BMERB1: variants seen among roughly 807,000 people sequenced by gnomAD.
BMERB1 encodes bMERB domain-containing protein 1.
BMERB1 carries 12 observed loss-of-function variants against 23.6 expected under a neutral mutation model. That is an observed-to-expected ratio of 0.51 (90% CI 0.33 to 0.82). The LOEUF is 0.82. Among genes scored for constraint, BMERB1 ranks in the 40% least tolerant of loss-of-function variants. BMERB1 has a pLI of 0.03. For synonymous variants in BMERB1, 122 were observed against 96.6 expected (o/e 1.26, Z -1.54); for missense variants, 247 against 255.4 (o/e 0.97, Z 0.22).
intron 1 of BMERB1, among the ~76,000 whole-genome samples, chr16:15,509,125 C>T (rs144620313): frequency 7.9e-5 from 12 of 152,128 alleles, no homozygotes; most frequent in South Asian, 2.1e-4. Context: ...TAATTCTCTT[C>T]GTCCCACGCC....
At chr16:15,434,831 G>A in intron 1 of BMERB1, 72 bp downstream of exon 1, 2 of 1,351,988 alleles carry the variant, frequency 1.5e-6, no homozygotes, top group Non-Finnish European at 2.0e-6. Flanking sequence ...GTGGTCGCGG[G>A]AGCGCGAGGA....
intron 5 of BMERB1, among the ~76,000 whole-genome samples, chr16:15,583,778 G>A (rs1302025590): frequency 2.0e-5 from 3 of 152,260 alleles, no homozygotes; most frequent in East Asian, 1.9e-4. Flanking sequence ...GCAGTTGCCT[G>A]GGGCCTCATG....
intron 2 of BMERB1, among the ~76,000 whole-genome samples, chr16:15,533,514 C>T (rs2051990751): frequency 6.6e-6 from 1 of 152,018 alleles, no homozygotes; most frequent in African/African-American, 2.4e-5. Flanking sequence ...CCTGCGTCAG[C>T]CTTCTGAGTA....
chr16:15,546,893 T>G (rs13329957), intron 2 of BMERB1, among the ~76,000 whole-genome samples: 17,488 of 152,110 alleles, frequency 0.11, 3,137 homozygotes, highest in African/African-American at 0.38. Flanking sequence ...CCTAAACGTG[T>G]CCTGTTAAGA....
At chr16:15,567,916 C>A (rs545352242) in intron 2 of BMERB1, 67 bp from the exon 3 acceptor site, 6 of 1,410,588 alleles carry the variant, frequency 4.3e-6, no homozygotes, top group South Asian at 1.2e-5. Context: ...TTGTGTTAAC[C>A]GGGTGATGCT....
rs763210203 is a variant in BMERB1, at chr16:15,434,653, G to A, written c.-1G>A. On this transcript the variant is annotated 5_prime_UTR_variant, in exon 1 of 6. Coordinates refer to ENST00000300006, the MANE Select transcript of BMERB1 (RefSeq NM_033201.3). ...CGTCGACCTGGCCACGGGGATCAGCGATGGAATTAAAGCAATCTTTGTCCA... is the reference window on the plus strand; with the variant it reads ...CGTCGACCTGGCCACGGGGATCAGCAATGGAATTAAAGCAATCTTTGTCCA... The A allele has an allele frequency of 6.2e-7, 1 of 1,613,858 alleles. No homozygotes were observed. The highest frequency in any genetic ancestry group is 8.5e-7 in the Non-Finnish European group (1 of 1,179,760).
At chr16:15,450,216 T>C (rs1434100228) in intron 1 of BMERB1, among the ~76,000 whole-genome samples, 4 of 152,254 alleles carry the variant, frequency 2.6e-5, no homozygotes, top group Admixed American at 2.6e-4. Context: ...TTGTTTCAGC[T>C]TGATTGGTGA....
chr16:15,562,483 A>G (rs2030450511), intron 2 of BMERB1, among the ~76,000 whole-genome samples: 1 of 151,928 alleles, frequency 6.6e-6, no homozygotes, highest in Non-Finnish European at 1.5e-5. Context: ...CCTCTCAAAA[A>G]TTATCAATAA....
In BMERB1 at chr16:15,557,745, G is replaced by A. The variant is rs755929942; in HGVS notation, c.231-10238G>A. 6.6e-5 allele frequency among the ~76,000 whole-genome samples: 10 copies of A among 152,106 alleles called. 1 individual carries two copies. Among genetic ancestry groups the A allele is most frequent in the Admixed American group, 2.0e-4 (3 of 15,258 alleles). On this transcript the variant is annotated intron_variant, in intron 2 of 5. Coordinates refer to ENST00000300006, the MANE Select transcript of BMERB1 (RefSeq NM_033201.3). ...TTGTTCACACTACTTAAGTCATAAG[G>A]ACATTTAATATTTACTTGAGGCTGG... is the stretch of plus-strand genomic sequence containing the variant.
intron 2 of BMERB1, among the ~76,000 whole-genome samples, chr16:15,565,102 C>G (rs890277830): frequency 8.6e-5 from 13 of 151,382 alleles, no homozygotes; most frequent in African/African-American, 2.7e-4. Flanking sequence ...TAGCAACACT[C>G]AGGGGACTAA....
intron 1 of BMERB1, among the ~76,000 whole-genome samples, chr16:15,474,427 C>T (rs989815351): frequency 6.6e-6 from 1 of 152,014 alleles, no homozygotes; most frequent in Middle Eastern, 3.5e-3. Flanking sequence ...CGCAGTGGCA[C>T]AATCATAGCC....
intron 2 of BMERB1, chr16:15,532,861 A>G: frequency 2.6e-6 from 1 of 378,586 alleles, no homozygotes; most frequent in South Asian, 2.0e-5. Context: ...CTGTTTTTTC[A>G]TTACTAGATA....
intron 1 of BMERB1, among the ~76,000 whole-genome samples, chr16:15,461,476 T>C (rs2051135310): frequency 6.6e-6 from 1 of 152,088 alleles, no homozygotes; most frequent in African/African-American, 2.4e-5. Context: ...TTCTATGTGA[T>C]CTCTACCCAA....
At chr16:15,504,436 T>A (rs1264613909) in intron 1 of BMERB1, among the ~76,000 whole-genome samples, 1 of 151,930 alleles carries the variant, frequency 6.6e-6, no homozygotes, top group East Asian at 1.9e-4. Flanking sequence ...TCTTTGCAAC[T>A]CTTCTTAAAT....
chr16:15,539,584 C>T (rs2052058968), intron 2 of BMERB1, among the ~76,000 whole-genome samples: 1 of 152,092 alleles, frequency 6.6e-6, no homozygotes, highest in East Asian at 1.9e-4. Context: ...TAGCTCATGC[C>T]TATAATCTCA....
chr16:15,566,682 A>T (rs1175568105), intron 2 of BMERB1, among the ~76,000 whole-genome samples: 2 of 152,096 alleles, frequency 1.3e-5, no homozygotes, highest in East Asian at 3.9e-4. Flanking sequence ...AAAAATAAAA[A>T]TAAATTTAAA....
chr16:15,528,908 G>A (rs1000027925), intron 2 of BMERB1, among the ~76,000 whole-genome samples: 4 of 152,150 alleles, frequency 2.6e-5, no homozygotes, highest in Non-Finnish European at 5.9e-5. Flanking sequence ...CACTGTGTGA[G>A]GACACAGTGA....
At chr16:15,582,694 G>C (rs759618285) in intron 4 of BMERB1, among the ~76,000 whole-genome samples, 2 of 152,108 alleles carry the variant, frequency 1.3e-5, no homozygotes, top group Non-Finnish European at 2.9e-5. Flanking sequence ...CTCCAGCCTG[G>C]GTGGCAAAGA....
In BMERB1 at chr16:15,515,402, C is replaced by T; in HGVS notation, c.204C>T (p.Val68=). The stretch of plus-strand genomic sequence containing the variant: ...TTCAGCGTCTCCGGGAAGTCTTGGT[C>T]CGCCGGGAGTCTGAGCTCAGGTTCA... The part of the protein sequence containing the change: ...AKIQRLREVL[V]RRESELRFMM... The change falls in exon 2 of 6, where the codon GTC becomes GTT. Residue 68 remains valine (V), a synonymous_variant. Coordinates refer to ENST00000300006, the MANE Select transcript of BMERB1 (RefSeq NM_033201.3). The T allele has an allele frequency of 6.2e-7, 1 of 1,613,956 alleles. No homozygotes were observed. The highest frequency in any genetic ancestry group is 1.3e-5 in the African/African-American group (1 of 75,018).
Sources: gnomAD v4.1 joint callset for allele counts (sites outside exome capture counted in the v4.1 genomes callset) on GRCh38, gnomAD v4.1.1 for gene constraint, MANE v1.5 for transcripts, NCBI Gene and HGNC (gene_info 2026-07-23, HGNC 2026-07-21) for gene names.